NIT2: variants seen among roughly 807,000 people sequenced by gnomAD.
The protein encoded by NIT2 is omega-amidase NIT2.
A neutral mutation model predicts 42.7 loss-of-function variants in NIT2; 46 were observed. The ratio of observed to expected loss-of-function variants is 1.08; its 90% CI spans 0.85 to 1.38. The LOEUF (loss-of-function observed/expected upper bound fraction) is 1.38. NIT2 is among the 40% of genes most tolerant of loss of function. The probability of loss-of-function intolerance (pLI) is 0.00; values close to 1 mark genes in which losing one functional copy is unlikely to be tolerated. For synonymous variants in NIT2, 123 were observed against 121.9 expected (o/e 1.01, Z -0.06); for missense variants, 309 against 342.5 (o/e 0.90, Z 0.77).
At chr3:100,337,563 C>T (rs1417643165) in intron 1 of NIT2, among the ~76,000 whole-genome samples, 1 of 152,188 alleles carries the variant, frequency 6.6e-6, no homozygotes, top group East Asian at 1.9e-4. Flanking sequence ...AACTGATTCT[C>T]CTGCCTCAGC....
chr3:100,339,873 C>T lies in NIT2; in HGVS notation c.185C>T (p.Pro62Leu). 6.2e-7 allele frequency: 1 copy of T among 1,613,534 alleles called. No homozygotes were observed. Among genetic ancestry groups the T allele is most frequent in the Non-Finnish European group, 8.5e-7 (1 of 1,179,586 alleles). ...TTTCCTGAATATGCAGAGAAAATTC[C>T]TGGTGAATCCACACAGAAGCTTTCT... ...KYFPEYAEKI[P>L]GESTQKLSEV... The change falls in exon 3 of 10, where the codon CCT becomes CTT. Residue 62 changes from proline (P) to leucine (L), a missense_variant. Transcript: ENST00000394140.
intron 1 of NIT2, among the ~76,000 whole-genome samples, chr3:100,336,403 A>G (rs1224335069): frequency 5.3e-5 from 8 of 151,852 alleles, no homozygotes; most frequent in Non-Finnish European, 4.4e-5. Context: ...AGAAAAAGAC[A>G]CAAACAAAGT....
Position 100,361,052 on chromosome 3 carries a change from A to G in NIT2, c.*5784A>G, listed in dbSNP as rs1287897381. On this transcript the variant is annotated 3_prime_UTR_variant, in exon 10 of 10. Coordinates refer to ENST00000394140, the MANE Select transcript of NIT2 (RefSeq NM_020202.5). ...CATGTTGCTTGCTATGTTCTAAATA[A>G]TTAAGTCTGTTGTCTGACCCAGGAG... 3 of 153,036 alleles carry G rather than the reference A, an allele frequency of 2.0e-5. No individual in the cohort carries two copies. The East Asian group carries it at 5.8e-4, about 30-fold the overall frequency. The allele number at this position is 153,036 out of a possible 1,614,324, so 9.5% of individuals were successfully genotyped here. A position where few individuals can be genotyped will look rare whatever the true frequency, so the allele number is the denominator to read the frequency against.
chr3:100,354,735 C>T (rs759196857), intron 8 of NIT2, 37 bp from the exon 9 acceptor site: 1 of 1,542,818 alleles, frequency 6.5e-7, no homozygotes. Flanking sequence ...CACCAAACAT[C>T]AGTGAATCCA....
intron 7 of NIT2, among the ~76,000 whole-genome samples, chr3:100,350,937 A>G (rs542129073): frequency 2.0e-5 from 3 of 151,436 alleles, no homozygotes; most frequent in South Asian, 2.1e-4. Context: ...ATTCCCACCT[A>G]TGAGTGAGAA....
Position 100,354,815 on chromosome 3 carries a change from T to C in NIT2, c.727T>C (p.Tyr243His). 2 of 1,611,050 alleles carry C rather than the reference T, an allele frequency of 1.2e-6. No homozygotes were observed. The highest frequency in any genetic ancestry group is 1.7e-6 in the Non-Finnish European group (2 of 1,178,498). Reference sequence around the variant, plus strand: ...AGCTGGCACAGAAGAAGCAATCGTGTATTCAGACATAGGTAAGATTTTCCT... The same window carrying C: ...AGCTGGCACAGAAGAAGCAATCGTGCATTCAGACATAGGTAAGATTTTCCT... Reference protein sequence around the residue: ...AKAGTEEAIVYSDIDLKKLAE... With the variant: ...AKAGTEEAIVHSDIDLKKLAE... Residue 243 changes from tyrosine to histidine, a missense_variant, in exon 9 of 10, where the codon TAT becomes CAT. Tyr to His is a moderately conservative substitution (Grantham distance 83, BLOSUM62 2). Transcript: ENST00000394140.
At chr3:100,338,738 G>A (rs930005884) in intron 1 of NIT2, among the ~76,000 whole-genome samples, 1 of 152,150 alleles carries the variant, frequency 6.6e-6, no homozygotes, top group East Asian at 1.9e-4. Flanking sequence ...CCTACACTGC[G>A]TAGTAAGAAG....
At position 100,348,665 on chromosome 3, in the gene NIT2, C is replaced by A. The variant is rs376237705; in HGVS notation, c.506-138C>A. ...AGAGCCATATCTTAATTGCTGCTGG[C>A]ACTGTCTGACTTGGCTGACATCTTT... On this transcript the variant is annotated intron_variant, in intron 6 of 9. Transcript: ENST00000394140. The A allele has an allele frequency of 4.8e-6, 3 of 626,798 alleles. No individual in the cohort carries two copies. The East Asian group carries it at 8.4e-5, about 18-fold the overall frequency. 38.8% of individuals were successfully genotyped at this position (626,798 alleles called of 1,614,324 possible). A position where few individuals can be genotyped will look rare whatever the true frequency, so the allele number is the denominator to read the frequency against.
rs111834113 is a variant in NIT2 at position 100,346,401 on chromosome 3, G to A, written c.505+146G>A. ...CCTTTCACCCCCATGAGGCTTCCCA[G>A]ACTTTTGCTGTGTATGGATGACAGG... On this transcript the variant is annotated intron_variant, in intron 6 of 9. Transcript: ENST00000394140. 3.5e-3 allele frequency: 2,343 copies of A among 660,474 alleles called. 45 individuals are homozygous for A. The African/African-American group carries it at 0.039, about 11-fold the overall frequency. 40.9% of individuals were successfully genotyped at this position (660,474 alleles called of 1,614,324 possible). A position where few individuals can be genotyped will look rare whatever the true frequency, so the allele number is the denominator to read the frequency against.
rs1706112654 is a variant in NIT2 at position 100,339,094 on chromosome 3, C to A, written c.15C>A (p.Arg5=). The A allele has an allele frequency of 6.2e-7, 1 of 1,611,294 alleles. No individual in the cohort carries two copies. Among genetic ancestry groups the A allele is most frequent in the Non-Finnish European group, 8.5e-7 (1 of 1,177,542 alleles). The change falls in exon 2 of 10, where the codon CGC becomes CGA. Residue 5 remains arginine (R), a synonymous_variant. Transcript: ENST00000394140. ...TTTTGTCTTTGTTCTCAGCTTTCCG[C>A]TTGGCCCTCATCCAGCTTCAGATTT... MTSF[R]LALIQLQISS...
rs761191371 is a variant in NIT2, at chr3:100,345,681, A to G, written c.430+3A>G. 41 of 1,587,870 alleles carry G rather than the reference A, an allele frequency of 2.6e-5. No homozygotes were observed. The Middle Eastern group carries it at 1.3e-3, about 52-fold the overall frequency. On this transcript the variant is annotated splice_donor_region_variant and intron_variant, in intron 5 of 9. Transcript: ENST00000394140. ...TAGTTTCTCCACATTTGATACTCGT[A>G]TGTACCAGATAAGTTTGCCTCTTTA...
rs1471692389 is a variant in NIT2, at chr3:100,357,455, T to C, written c.*2187T>C. The C allele has an allele frequency of 6.6e-6, 1 of 152,084 alleles. No homozygotes were observed. The highest frequency in any genetic ancestry group is 2.4e-5 in the African/African-American group (1 of 41,426). 9.4% of individuals were successfully genotyped at this position (152,084 alleles called of 1,614,324 possible). A position where few individuals can be genotyped will look rare whatever the true frequency, so the allele number is the denominator to read the frequency against. On this transcript the variant is annotated 3_prime_UTR_variant, in exon 10 of 10. Coordinates refer to ENST00000394140, the MANE Select transcript of NIT2 (RefSeq NM_020202.5). ...TGTGGATGTGTGGAACCTAGGAACC[T>C]TCTCTTGGATTTTCTCTTATTCCCC...
chr3:100,352,522 A>T lies in NIT2; in HGVS notation c.683+20A>T. 6.3e-7 allele frequency: 1 copy of T among 1,593,248 alleles called. No homozygotes were observed. On this transcript the variant is annotated intron_variant, in intron 8 of 9. Transcript: ENST00000394140. ...CCCTTGGTGAGTAAGGCTAAGTGAGAATAGGCTCAGTCGGAGCTTGAGCTT... is the reference window on the plus strand; with the variant it reads ...CCCTTGGTGAGTAAGGCTAAGTGAGTATAGGCTCAGTCGGAGCTTGAGCTT...
rs1239700179 is a variant in NIT2, at chr3:100,359,246, A to G, written c.*3978A>G. On this transcript the variant is annotated 3_prime_UTR_variant, in exon 10 of 10. Transcript: ENST00000394140. ...AATCAAATGAACAAGAATCTGCAAG[A>G]ACAGAACATGGTGGGCAGGGTCCAG... 1.3e-5 allele frequency: 2 copies of G among 152,218 alleles called. No individual in the cohort carries two copies. Among genetic ancestry groups the G allele is most frequent in the Non-Finnish European group, 2.9e-5 (2 of 68,038 alleles). 9.4% of individuals were successfully genotyped at this position (152,218 alleles called of 1,614,324 possible). A position where few individuals can be genotyped will look rare whatever the true frequency, so the allele number is the denominator to read the frequency against.
chr3:100,335,157 T>A (rs562907518), intron 1 of NIT2: 5 of 315,320 alleles, frequency 1.6e-5, no homozygotes, highest in Middle Eastern at 3.9e-4. Context: ...CGTGACCTCC[T>A]CCAGCCCCGC....
At chr3:100,339,302 C>A in intron 2 of NIT2, 97 bp downstream of exon 2, 1 of 815,802 alleles carries the variant, frequency 1.2e-6, no homozygotes, top group Non-Finnish European at 2.2e-6. Context: ...TGGGGTCCAG[C>A]AGTGTCCCTT....
chr3:100,353,595 G>A (rs987757644), intron 8 of NIT2, among the ~76,000 whole-genome samples: 1 of 152,112 alleles, frequency 6.6e-6, no homozygotes, highest in Non-Finnish European at 1.5e-5. Flanking sequence ...ATTCAGTTAC[G>A]TGTCATAAAT....
rs896993623 is a variant in NIT2, at chr3:100,358,394, A to C, written c.*3126A>C. ...GTACTCCCCGACTTTCTAATGAATT[A>C]GACAATGATGTTTTATTTTTGTTTT... On this transcript the variant is annotated 3_prime_UTR_variant, in exon 10 of 10. Coordinates refer to ENST00000394140, the MANE Select transcript of NIT2 (RefSeq NM_020202.5). 4 of 152,244 alleles carry C rather than the reference A, an allele frequency of 2.6e-5. No homozygotes were observed. Among genetic ancestry groups the C allele is most frequent in the African/African-American group, 9.6e-5 (4 of 41,462 alleles). 9.4% of individuals were successfully genotyped at this position (152,244 alleles called of 1,614,324 possible).
rs76181190 is a variant in NIT2 at position 100,356,346 on chromosome 3, C to G, written c.*1078C>G. 8 of 152,350 alleles carry G rather than the reference C, an allele frequency of 5.3e-5. No individual in the cohort carries two copies. The highest frequency in any genetic ancestry group is 2.1e-4 in the South Asian group (1 of 4,834). 9.4% of individuals were successfully genotyped at this position (152,350 alleles called of 1,614,324 possible). A position where few individuals can be genotyped will look rare whatever the true frequency, so the allele number is the denominator to read the frequency against. Reference sequence around the variant, plus strand: ...AGTTTGAGCTATCTGCATGACACCTCTAAACACAGAGTTGGGAATAGATGT... The same window carrying G: ...AGTTTGAGCTATCTGCATGACACCTGTAAACACAGAGTTGGGAATAGATGT... On this transcript the variant is annotated 3_prime_UTR_variant, in exon 10 of 10. Transcript: ENST00000394140.
Sources: allele counts gnomAD v4.1 joint callset (sites outside exome capture counted in the v4.1 genomes callset), GRCh38; gene constraint gnomAD v4.1.1; transcripts MANE v1.5; gene names NCBI Gene and HGNC (gene_info 2026-07-23, HGNC 2026-07-21).